The following POSTN variants were observed in gnomAD, a reference collection of about 807,000 sequenced individuals.
POSTN encodes periostin.
In POSTN, 71 loss-of-function variants were observed where a neutral mutation model predicts 104.5. The ratio of observed to expected loss-of-function variants is 0.68; its 90% CI spans 0.56 to 0.83. The LOEUF is 0.83. POSTN is among the 40% of genes least tolerant of loss of function. The pLI, the probability that POSTN is intolerant of heterozygous loss-of-function variation, is 0.00. For synonymous variants in POSTN, 355 were observed against 340.7 expected (o/e 1.04, Z -0.46); for missense variants, 949 against 1,006.8 (o/e 0.94, Z 0.78).
In POSTN at chr13:37,573,936, G is replaced by GTGTT. The variant is rs1281530300; in HGVS notation, c.2089+635_2089+636insAACA. On this transcript the variant is annotated intron_variant, in intron 17 of 22. Coordinates refer to ENST00000379747, the MANE Select transcript of POSTN (RefSeq NM_006475.3). ...ACATCAGGAGAGAATGTGTGTGTGT[G>GTGTT]TCTGTATTATATATATCTCATGTAT... Among the ~76,000 whole-genome samples, 751 of 151,450 alleles carry GTGTT rather than the reference G, an allele frequency of 5.0e-3. 7 individuals carry two copies. Among genetic ancestry groups the GTGTT allele is most frequent in the African/African-American group, 0.018 (725 of 41,408 alleles).
intron 6 of POSTN, 90 bp downstream of exon 6, chr13:37,586,692 C>T: frequency 6.0e-6 from 8 of 1,324,418 alleles, no homozygotes; most frequent in South Asian, 4.3e-5. Context: ...ACATTTTTGC[C>T]AGATTTAATA....
At chr13:37,573,576 GAAGTTACCTTCTCA>G (rs1316237417) in intron 17 of POSTN, among the ~76,000 whole-genome samples, 3 of 151,306 alleles carry the variant, frequency 2.0e-5, no homozygotes, top group Non-Finnish European at 3.0e-5. Flanking sequence ...AAGTATTCAA[GAAGTTACCTTCTCA>G]AACCACCAAA....
At position 37,579,974 on chromosome 13, in the gene POSTN, A is replaced by G; in HGVS notation, c.1547T>C (p.Leu516Pro). 1 of 1,613,582 alleles carries G rather than the reference A, an allele frequency of 6.2e-7. No individual in the cohort carries two copies. The highest frequency in any genetic ancestry group is 8.5e-7 in the Non-Finnish European group (1 of 1,179,546). Residue 516 changes from leucine (L) to proline (P), a missense_variant, in exon 12 of 23, where the codon CTT (leucine) becomes CCT (proline). Transcript: ENST00000379747. Reference sequence around the variant, plus strand: ...GAGCTCTTTCAAGTCTGCAGCTTCAAGTAGGCTGAGGAAGGTGCTAAGTGG... The same window carrying G: ...GAGCTCTTTCAAGTCTGCAGCTTCAGGTAGGCTGAGGAAGGTGCTAAGTGG... The part of the protein sequence containing the change: ...DKRFSTFLSL[L>P]EAADLKELLT...
intron 22 of POSTN, 74 bp from the exon 23 acceptor site, chr13:37,563,444 C>G: frequency 1.1e-6 from 1 of 916,436 alleles, no homozygotes; most frequent in Non-Finnish European, 1.6e-6. Flanking sequence ...ATATTATTCT[C>G]TGTATATCTA....
chr13:37,580,036 G>T (rs1486368127), intron 11 of POSTN, 45 bp from the exon 12 acceptor site: 1 of 1,574,288 alleles, frequency 6.4e-7, no homozygotes, highest in Non-Finnish European at 8.7e-7. Flanking sequence ...TTTAGATTTA[G>T]GTATGTTCAC....
In POSTN at chr13:37,598,625, G is replaced by A. The variant is rs764626338; in HGVS notation, c.102C>T (p.Ile34=). 2 of 1,612,712 alleles carry A rather than the reference G, an allele frequency of 1.2e-6. No individual in the cohort carries two copies. The highest frequency in any genetic ancestry group is 1.3e-5 in the African/African-American group (1 of 75,004). Residue 34 remains isoleucine (I), a synonymous_variant, in exon 1 of 23, where the codon ATC becomes ATT. Coordinates refer to ENST00000379747, the MANE Select transcript of POSTN (RefSeq NM_006475.3). ...HYDKILAHSR[I]RGRDQGPNVC... ...TCACTTACCCTTGGTCCCGACCCCT[G>A]ATACGACTATGAGCCAAGATCTTGT... is the stretch of plus-strand genomic sequence containing the variant.
rs1413265322 is a variant in POSTN, at chr13:37,583,983, T to C, written c.1229A>G (p.Asn410Ser). 7 of 1,613,760 alleles carry C rather than the reference T, an allele frequency of 4.3e-6. No individual in the cohort carries two copies. The South Asian group carries it at 7.7e-5, about 18-fold the overall frequency. ...CCAGCACATACCAGAAAATGCATTA[T>C]TCACAGGTGCCAGCAAAGTGTATTC... ...DGEYTLLAPV[N>S]NAFSDDTLSM... Residue 410 changes from asparagine (N) to serine (S), a missense_variant, in exon 9 of 23, where the codon AAT becomes AGT. Physicochemically the swap from Asn to Ser is conservative, Grantham distance 46. Transcript: ENST00000379747.
chr13:37,598,481 TC>T (rs1951152002), intron 1 of POSTN, 126 bp downstream of exon 1: 1 of 802,560 alleles, frequency 1.2e-6, no homozygotes, highest in Non-Finnish European at 1.9e-6. Flanking sequence ...TTCCTTTTTT[TC>T]CTATTACTTT....
At chr13:37,584,222 G>A (rs533265220) in intron 8 of POSTN, 119 bp from the exon 9 acceptor site, 18 of 1,267,914 alleles carry the variant, frequency 1.4e-5, no homozygotes, top group Middle Eastern at 2.7e-4. Context: ...TGCAATGTCA[G>A]TGTGATAAGA....
chr13:37,571,499 A>G (rs1166903749), intron 17 of POSTN, 41 bp from the exon 18 acceptor site: 2 of 1,428,060 alleles, frequency 1.4e-6, no homozygotes, highest in African/African-American at 1.4e-5. Flanking sequence ...ATGTTAAAAC[A>G]GTCCTTTAAA....
In POSTN at chr13:37,589,883, G is replaced by A. The variant is rs188086613; in HGVS notation, c.441+489C>T. Among the ~76,000 whole-genome samples the A allele has an allele frequency of 1.2e-4, 18 of 152,062 alleles. No homozygotes were observed. The East Asian group carries it at 3.5e-3, about 29-fold the overall frequency. ...GTGCACAAAAGTCTGAAAATCAAAT[G>A]TATTTTCACATTTCATTTAACTATC... On this transcript the variant is annotated intron_variant, in intron 4 of 22. Coordinates refer to ENST00000379747, the MANE Select transcript of POSTN (RefSeq NM_006475.3).
At chr13:37,571,680 A>G in intron 17 of POSTN, 1 of 454,424 alleles carries the variant, frequency 2.2e-6, no homozygotes, top group Non-Finnish European at 3.9e-6. Flanking sequence ...AATTACTTTC[A>G]TCTGCTTTAG....
chr13:37,566,702 T>C (rs1004693686), intron 21 of POSTN, among the ~76,000 whole-genome samples: 2 of 152,210 alleles, frequency 1.3e-5, no homozygotes, highest in Non-Finnish European at 2.9e-5. Context: ...AATGACTTTT[T>C]GTTGTTGTTC....
chr13:37,594,624 C>T (rs1951034034), intron 2 of POSTN, among the ~76,000 whole-genome samples: 2 of 152,082 alleles, frequency 1.3e-5, no homozygotes, highest in African/African-American at 4.8e-5. Flanking sequence ...AAAAATATCA[C>T]AGACATTCTC....
rs1312712965 is a variant in POSTN, at chr13:37,587,674, A to G, written c.606+148T>C. 4 of 603,730 alleles carry G rather than the reference A, an allele frequency of 6.6e-6. No homozygotes were observed. The East Asian group carries it at 9.7e-5, about 15-fold the overall frequency. The allele number at this position is 603,730 out of a possible 1,614,324, so 37.4% of individuals were successfully genotyped here. On this transcript the variant is annotated intron_variant, in intron 5 of 22. Coordinates refer to ENST00000379747, the MANE Select transcript of POSTN (RefSeq NM_006475.3). ...ATTAATAACCAGATTGGAAATTTACATGCCCTAGATTTGGGGGTAAAGTCA... is the reference window on the plus strand; with the variant it reads ...ATTAATAACCAGATTGGAAATTTACGTGCCCTAGATTTGGGGGTAAAGTCA...
At chr13:37,566,051 C>T (rs1262691573) in intron 21 of POSTN, among the ~76,000 whole-genome samples, 1 of 152,206 alleles carries the variant, frequency 6.6e-6, no homozygotes, top group African/African-American at 2.4e-5. Flanking sequence ...TTGATAGCAT[C>T]CAATTAATGA....
At chr13:37,564,758 A>G (rs1056497759) in intron 21 of POSTN, 198 bp from the exon 22 acceptor site, 2 of 398,512 alleles carry the variant, frequency 5.0e-6, no homozygotes, top group Admixed American at 4.5e-5. Context: ...AGTGTTTTCC[A>G]TATATCATAA....
At chr13:37,580,426 C>T in intron 11 of POSTN, 135 bp downstream of exon 11, 5 of 997,638 alleles carry the variant, frequency 5.0e-6, no homozygotes, top group Non-Finnish European at 7.4e-6. Context: ...ATTTTGAAAA[C>T]ACTTGTATGA....
chr13:37,587,145 T>C (rs1566029723), intron 5 of POSTN, among the ~76,000 whole-genome samples: 1 of 152,158 alleles, frequency 6.6e-6, no homozygotes, highest in Non-Finnish European at 1.5e-5. Flanking sequence ...CCAAGTCAAG[T>C]CATACTTAAC....
Sources: allele counts gnomAD v4.1 joint callset (sites outside exome capture counted in the v4.1 genomes callset), GRCh38; gene constraint gnomAD v4.1.1; transcripts MANE v1.5; gene names NCBI Gene and HGNC (gene_info 2026-07-23, HGNC 2026-07-21).